Variants in RBMS3 observed in about 807,000 individuals in gnomAD.
RBMS3 encodes RNA binding motif single stranded interacting protein 3.
RBMS3 carries 27 observed loss-of-function variants against 66.8 expected under a neutral mutation model. The observed-to-expected ratio is 0.40, with a 90% confidence interval of 0.30 to 0.56. The LOEUF is 0.56. Ranked by LOEUF, RBMS3 falls within the 20% of genes least tolerant of loss-of-function variation. The pLI, the probability that RBMS3 is intolerant of heterozygous loss-of-function variation, is 0.40. For synonymous variants in RBMS3, 188 were observed against 183.0 expected, an observed-to-expected ratio of 1.03 and a Z score of -0.22; for missense variants, 513 against 549.5, an observed-to-expected ratio of 0.93 and a Z score of 0.66.
At chr3:29,524,415 A>ATTTTTTTTT (rs1222102515) in intron 3 of RBMS3, among the ~76,000 whole-genome samples, 944 of 57,122 alleles carry the variant, frequency 0.017, 115 homozygotes, top group Non-Finnish European at 0.023. Flanking sequence ...CTCCCTTTAC[A>ATTTTTTTTT]TTTTTTTTTT....
At chr3:29,767,325 C>T (rs992635377) in intron 6 of RBMS3, 20 of 151,230 alleles carry the variant, frequency 1.3e-4, no homozygotes, top group Non-Finnish European at 1.8e-4. Context: ...CCTGTAAGCA[C>T]GTGCTCCTAT....
chr3:29,975,971 A>T (rs1164989445), intron 12 of RBMS3, among the ~76,000 whole-genome samples: 1 of 151,968 alleles, frequency 6.6e-6, no homozygotes, highest in Admixed American at 6.6e-5. Context: ...CATATCTCTG[A>T]ATATATTTAG....
chr3:29,447,217 G>A (rs2041865016), intron 2 of RBMS3, among the ~76,000 whole-genome samples: 1 of 152,026 alleles, frequency 6.6e-6, no homozygotes, highest in African/African-American at 2.4e-5. Context: ...CCAGCCAGCA[G>A]TCTTTTAAAG....
chr3:29,318,461 T>C (rs57440162), intron 1 of RBMS3, among the ~76,000 whole-genome samples: 61,536 of 151,660 alleles, frequency 0.41, 13,599 homozygotes, highest in African/African-American at 0.57. Context: ...ATCTGGCTAA[T>C]ATATCACTCT....
rs761906709 is a variant in RBMS3, at chr3:29,897,471, A to G, written c.884A>G (p.Tyr295Cys). 4 of 1,609,870 alleles carry G rather than the reference A, an allele frequency of 2.5e-6. No homozygotes were observed. The highest frequency in any genetic ancestry group is 3.4e-6 in the Non-Finnish European group (4 of 1,176,936). ...ATTGCTGCTTCCCCTGTCTCCACATACCAGGTATGTCCAATTTACCTGCAC... is the reference window on the plus strand; with the variant it reads ...ATTGCTGCTTCCCCTGTCTCCACATGCCAGGTATGTCCAATTTACCTGCAC... ...PFIAASPVST[Y>C]QVQSTSWMPH... Residue 295 changes from tyrosine to cysteine, a missense_variant, in exon 9 of 15, where the codon TAC becomes TGC. By Grantham distance (194) the Tyr-to-Cys change is radical (BLOSUM62 -2). Coordinates refer to ENST00000383767, the MANE Select transcript of RBMS3 (RefSeq NM_001003793.3).
chr3:29,966,543 C>G (rs1356916620), intron 12 of RBMS3, among the ~76,000 whole-genome samples: 7 of 152,044 alleles, frequency 4.6e-5, no homozygotes, highest in Non-Finnish European at 1.0e-4. Flanking sequence ...GTACATTAAC[C>G]TTGTATCCAG....
chr3:29,812,776 A>T (rs1308480376), intron 6 of RBMS3, among the ~76,000 whole-genome samples: 1 of 152,168 alleles, frequency 6.6e-6, no homozygotes, highest in South Asian at 2.1e-4. Context: ...GTATTTGCCG[A>T]TGCCTTCTGG....
chr3:29,944,141 G>C lies in RBMS3; in HGVS notation c.1051-66G>C, dbSNP rs1695142785. The C allele has an allele frequency of 2.8e-6, 4 of 1,427,396 alleles. No homozygotes were observed. The South Asian group carries it at 4.6e-5, about 16-fold the overall frequency. 88.4% of individuals were successfully genotyped at this position (1,427,396 alleles called of 1,614,324 possible). ...CACAGCGGACTCTTCCACGTGTTAG[G>C]GCTGATTCTATTTTATTTTCTTTTG... On this transcript the variant is annotated intron_variant, in intron 11 of 14. Coordinates refer to ENST00000383767, the MANE Select transcript of RBMS3 (RefSeq NM_001003793.3).
At chr3:29,464,749 T>C (rs2042481018) in intron 2 of RBMS3, among the ~76,000 whole-genome samples, 1 of 152,180 alleles carries the variant, frequency 6.6e-6, no homozygotes, top group Admixed American at 6.5e-5. Flanking sequence ...CTACTTTCTC[T>C]GGGAGGCCTT....
chr3:29,944,043 G>A (rs1025520449), intron 11 of RBMS3, among the ~76,000 whole-genome samples, 164 bp from the exon 12 acceptor site: 3 of 151,746 alleles, frequency 2.0e-5, no homozygotes, highest in Admixed American at 1.3e-4. Context: ...AGGGACCATG[G>A]TATCAAATGC....
intron 4 of RBMS3, among the ~76,000 whole-genome samples, chr3:29,597,415 G>A (rs1039637026): frequency 2.6e-5 from 4 of 152,150 alleles, no homozygotes; most frequent in Non-Finnish European, 4.4e-5. Flanking sequence ...ACACTTGTGA[G>A]AGCTGTTCAC....
intron 3 of RBMS3, among the ~76,000 whole-genome samples, chr3:29,503,863 C>G (rs2044075684): frequency 6.6e-6 from 1 of 152,020 alleles, no homozygotes; most frequent in Admixed American, 6.6e-5. Flanking sequence ...CCATGGAAAC[C>G]ACAGTTAGTT....
intron 1 of RBMS3, among the ~76,000 whole-genome samples, chr3:29,394,426 C>A (rs568931530): frequency 6.6e-6 from 1 of 152,218 alleles, no homozygotes; most frequent in Non-Finnish European, 1.5e-5. Flanking sequence ...ATGCAATCAT[C>A]ACAGGGTCCT....
intron 3 of RBMS3, among the ~76,000 whole-genome samples, chr3:29,527,609 G>A (rs1046405554): frequency 6.6e-6 from 1 of 151,958 alleles, no homozygotes; most frequent in Non-Finnish European, 1.5e-5. Context: ...CTTAACTGTT[G>A]GTTTATATTT....
At chr3:29,360,876 C>T (rs1232320377) in intron 1 of RBMS3, among the ~76,000 whole-genome samples, 1 of 151,784 alleles carries the variant, frequency 6.6e-6, no homozygotes, top group African/African-American at 2.4e-5. Context: ...CAACCCCTGC[C>T]TTTTTTTGGT....
chr3:29,930,016 A>G (rs2061066397), intron 10 of RBMS3, among the ~76,000 whole-genome samples: 1 of 151,540 alleles, frequency 6.6e-6, no homozygotes, highest in Admixed American at 6.6e-5. Context: ...ATTGGTGTAT[A>G]TTATAACCAT....
chr3:29,656,444 C>A (rs1333725170), intron 4 of RBMS3, among the ~76,000 whole-genome samples: 1 of 152,172 alleles, frequency 6.6e-6, no homozygotes, highest in Non-Finnish European at 1.5e-5. Flanking sequence ...TATAGCCCAG[C>A]TGTATAGCAG....
chr3:29,632,044 T>C (rs1158445460), intron 4 of RBMS3, among the ~76,000 whole-genome samples: 1 of 151,940 alleles, frequency 6.6e-6, no homozygotes, highest in African/African-American at 2.4e-5. Context: ...TTAGATTAGA[T>C]ACTTTCCTTA....
chr3:29,691,734 T>A (rs1190437461), intron 4 of RBMS3, among the ~76,000 whole-genome samples: 1 of 152,154 alleles, frequency 6.6e-6, no homozygotes, highest in Non-Finnish European at 1.5e-5. Context: ...TGACAGAGAC[T>A]CATAATTCTG....
Sources: allele counts gnomAD v4.1 joint callset (sites outside exome capture counted in the v4.1 genomes callset), GRCh38; gene constraint gnomAD v4.1.1; transcripts MANE v1.5; gene names NCBI Gene and HGNC (gene_info 2026-07-23, HGNC 2026-07-21).